The following BORCS5 variants were observed in gnomAD, a reference collection of about 807,000 sequenced individuals.
BORCS5 encodes BLOC-1 related complex subunit 5, also known as BLOC-1-related complex subunit 5.
In BORCS5, 17 loss-of-function variants were observed where a neutral mutation model predicts 22.1. The observed-to-expected ratio is 0.77, with a 90% CI of 0.53 to 1.15. The LOEUF (loss-of-function observed/expected upper bound fraction) is 1.15, where lower values mean the gene tolerates loss of function less well. BORCS5 is among the 50% of genes most tolerant of loss of function. The pLI is 0.00. For synonymous variants in BORCS5, 117 were observed against 99.8 expected (o/e 1.17, Z -1.03); for missense variants, 247 against 253.2 (o/e 0.98, Z 0.17).
intron 2 of BORCS5, among the ~76,000 whole-genome samples, chr12:12,423,543 T>G (rs945147210): frequency 5.2e-5 from 4 of 77,016 alleles, no homozygotes; most frequent in Non-Finnish European, 9.6e-5. Context: ...GTTGACAGGT[T>G]TTTTGTTTTT....
chr12:12,427,219 C>T lies in BORCS5; in HGVS notation c.203-8409C>T, dbSNP rs537770158. Among the ~76,000 whole-genome samples, 1,128 of 127,632 alleles carry T rather than the reference C, an allele frequency of 8.8e-3. 15 individuals are homozygous for T. Among genetic ancestry groups the T allele is most frequent in the Non-Finnish European group, 0.011 (734 of 63,948 alleles). 83.7% of individuals were successfully genotyped at this position (127,632 alleles called of 152,430 possible). On this transcript the variant is annotated intron_variant, in intron 2 of 3. Coordinates refer to ENST00000314565, the MANE Select transcript of BORCS5 (RefSeq NM_058169.6). ...TTTTGAGGTGGGAGTCTCGCACTCT[C>T]GTCCAGGCTGGAGTTTGGTGGCACA...
At chr12:12,401,435 T>A (rs954953691) in intron 2 of BORCS5, among the ~76,000 whole-genome samples, 1 of 152,224 alleles carries the variant, frequency 6.6e-6, no homozygotes, top group African/African-American at 2.4e-5. Flanking sequence ...TGCTTCTTCC[T>A]TTTAAAAGAA....
intron 2 of BORCS5, among the ~76,000 whole-genome samples, chr12:12,422,049 C>T (rs896799423): frequency 5.9e-5 from 9 of 152,124 alleles, no homozygotes; most frequent in African/African-American, 1.9e-4. Context: ...GTCTCTGTCT[C>T]TTTCAGTTCT....
chr12:12,394,856 A>C lies in BORCS5; in HGVS notation c.202+33507A>C, dbSNP rs546829838. On this transcript the variant is annotated intron_variant, in intron 2 of 3. Coordinates refer to ENST00000314565, the MANE Select transcript of BORCS5 (RefSeq NM_058169.6). ...TCATACAGGACCTTTGCAAGTCTTC[A>C]AAAACAATCCTATGAGGGAAATATT... Among the ~76,000 whole-genome samples, 25 of 152,236 alleles carry C rather than the reference A, an allele frequency of 1.6e-4. No homozygotes were observed. The South Asian group carries it at 5.2e-3, about 32-fold the overall frequency.
intron 1 of BORCS5, among the ~76,000 whole-genome samples, chr12:12,360,145 C>T (rs1358057061): frequency 3.3e-5 from 5 of 151,986 alleles, no homozygotes; most frequent in African/African-American, 4.8e-5. Flanking sequence ...GGGTGGATCA[C>T]GAGGTCAGGA....
intron 3 of BORCS5, among the ~76,000 whole-genome samples, chr12:12,461,161 C>CT (rs35299390): frequency 0.23 from 31,269 of 134,148 alleles, 4,172 homozygotes; most frequent in Admixed American, 0.3. Context: ...TTATTGCATT[C>CT]TTTTTTTTTT....
At chr12:12,363,634 G>A (rs1198026087) in intron 2 of BORCS5, among the ~76,000 whole-genome samples, 2 of 152,132 alleles carry the variant, frequency 1.3e-5, no homozygotes, top group African/African-American at 4.8e-5. Context: ...CTACTTGGGA[G>A]GGTGAGGTAG....
At chr12:12,376,675 C>T (rs575559911) in intron 2 of BORCS5, among the ~76,000 whole-genome samples, 2 of 152,308 alleles carry the variant, frequency 1.3e-5, no homozygotes, top group Admixed American at 6.5e-5. Context: ...AGAGAGTTAA[C>T]AGTTACATAG....
chr12:12,446,517 C>A (rs1942794264), intron 3 of BORCS5, among the ~76,000 whole-genome samples: 2 of 152,174 alleles, frequency 1.3e-5, no homozygotes, highest in South Asian at 4.1e-4. Context: ...ATGTTCTGAA[C>A]TAGAGTCTTA....
Position 12,437,578 on chromosome 12 carries a change from C to G in BORCS5, c.360+1793C>G, listed in dbSNP as rs568295784. On this transcript the variant is annotated intron_variant, in intron 3 of 3. Transcript: ENST00000314565. ...ACGATTTGCATATTCCCTCACCACC[C>G]CTTGGAAAGTCACAAAGCGTATTAT... is the stretch of plus-strand genomic sequence containing the variant. Among the ~76,000 whole-genome samples, 16 of 152,262 alleles carry G rather than the reference C, an allele frequency of 1.1e-4. No homozygotes were observed. The East Asian group carries it at 3.1e-3, about 29-fold the overall frequency.
intron 2 of BORCS5, among the ~76,000 whole-genome samples, chr12:12,427,387 A>G (rs1051340959): frequency 5.9e-5 from 9 of 151,852 alleles, no homozygotes; most frequent in Non-Finnish European, 2.9e-5. Context: ...TCACCGTGTT[A>G]GCCAGGATGG....
chr12:12,365,345 A>ATTT (rs376865029), intron 2 of BORCS5, among the ~76,000 whole-genome samples: 1 of 140,816 alleles, frequency 7.1e-6, no homozygotes, highest in Non-Finnish European at 1.6e-5. Context: ...ATTAAAATAC[A>ATTT]TTTTTTTTTT....
intron 2 of BORCS5, among the ~76,000 whole-genome samples, chr12:12,394,581 C>T (rs1314110763): frequency 1.3e-5 from 2 of 151,868 alleles, no homozygotes; most frequent in African/African-American, 2.4e-5. Flanking sequence ...GTTGCCTGGG[C>T]TGAACTCAAA....
chr12:12,430,733 T>C (rs929168767), intron 2 of BORCS5, among the ~76,000 whole-genome samples: 1 of 152,236 alleles, frequency 6.6e-6, no homozygotes, highest in Non-Finnish European at 1.5e-5. Flanking sequence ...CTAATTCTTA[T>C]ATATCATTTC....
chr12:12,360,973 G>A (rs1398805985), intron 1 of BORCS5, among the ~76,000 whole-genome samples: 1 of 151,916 alleles, frequency 6.6e-6, no homozygotes, highest in Non-Finnish European at 1.5e-5. Context: ...TGCCCACCTC[G>A]GCTTCCCAAA....
chr12:12,363,216 G>C (rs994540871), intron 2 of BORCS5, among the ~76,000 whole-genome samples: 2 of 151,746 alleles, frequency 1.3e-5, no homozygotes, highest in Non-Finnish European at 1.5e-5. Flanking sequence ...AGGATCGCTT[G>C]AGCCCAGGAG....
At chr12:12,456,552 T>C (rs1943001679) in intron 3 of BORCS5, among the ~76,000 whole-genome samples, 1 of 152,232 alleles carries the variant, frequency 6.6e-6, no homozygotes, top group Non-Finnish European at 1.5e-5. Context: ...TACTCTCTTG[T>C]TGGAGAGGAT....
At chr12:12,407,132 G>A (rs753117741) in intron 2 of BORCS5, among the ~76,000 whole-genome samples, 11 of 152,340 alleles carry the variant, frequency 7.2e-5, no homozygotes, top group Non-Finnish European at 1.3e-4. Context: ...TTCACAGTAA[G>A]AGTGAGGGCC....
At chr12:12,386,024 G>A (rs1472570292) in intron 2 of BORCS5, among the ~76,000 whole-genome samples, 2 of 148,356 alleles carry the variant, frequency 1.3e-5, no homozygotes, top group South Asian at 4.4e-4. Flanking sequence ...TTTTGGAGAT[G>A]GAGTCTCACT....
Sources: gnomAD v4.1 joint callset for allele counts (sites outside exome capture counted in the v4.1 genomes callset) on GRCh38, gnomAD v4.1.1 for gene constraint, MANE v1.5 for transcripts, NCBI Gene and HGNC (gene_info 2026-07-23, HGNC 2026-07-21) for gene names.